Variants in SYMPK observed in about 807,000 individuals in gnomAD.
The protein encoded by SYMPK is symplekin scaffold protein.
Under a neutral mutation model 136.4 loss-of-function variants are expected in SYMPK, and 49 were observed. The observed-to-expected ratio is 0.36, with a 90% CI of 0.29 to 0.46. The LOEUF is 0.46. Among genes scored for constraint, SYMPK ranks in the 20% least tolerant of loss-of-function variants. The probability of loss-of-function intolerance (pLI) is 1.00; values close to 1 mark genes in which losing one functional copy is unlikely to be tolerated. For synonymous variants in SYMPK, 766 were observed against 713.0 expected, an observed-to-expected ratio of 1.07 and a Z score of -1.19; for missense variants, 1,365 against 1,690.0, an observed-to-expected ratio of 0.81 and a Z score of 3.37.
intron 11 of SYMPK, among the ~76,000 whole-genome samples, chr19:45,833,338 A>G (rs1971230752): frequency 6.6e-6 from 1 of 152,254 alleles, no homozygotes; most frequent in African/African-American, 2.4e-5. Context: ...GCGGTGGCTC[A>G]CACCCGAAAT....
chr19:45,839,231 A>C (rs967402876), intron 9 of SYMPK, among the ~76,000 whole-genome samples: 11 of 152,086 alleles, frequency 7.2e-5, no homozygotes, highest in Non-Finnish European at 1.2e-4. Context: ...GGCTATCAAG[A>C]ATGTACACTC....
At chr19:45,828,648 T>C (rs1971101188) in intron 14 of SYMPK, 1 of 369,080 alleles carries the variant, frequency 2.7e-6, no homozygotes, top group Non-Finnish European at 5.0e-6. Context: ...TAGAGAAGTC[T>C]ATCTCCAGGC....
At chr19:45,851,938 T>C (rs1971705273) in intron 5 of SYMPK, among the ~76,000 whole-genome samples, 1 of 152,110 alleles carries the variant, frequency 6.6e-6, no homozygotes, top group East Asian at 1.9e-4. Context: ...GAATTTCAAT[T>C]TAACTAAAAA....
Position 45,816,160 on chromosome 19 carries a change from C to A in SYMPK, c.3378G>T (p.Leu1126Phe). 6.5e-7 allele frequency: 1 copy of A among 1,544,392 alleles called. No homozygotes were observed. The highest frequency in any genetic ancestry group is 1.9e-5 in the Admixed American group (1 of 51,688). The part of the protein sequence containing the change: ...LEEDDLEPLT[L>F]APAPAPRPPQ... ...GGGGCCGGGGTGCTGGGGCCGGGGC[C>A]AAGGTCAGGGGCTCCAGATCATCCT... Residue 1126 changes from leucine to phenylalanine, a missense_variant, in exon 26 of 27, where the codon TTG becomes TTT. By Grantham distance (22) the Leu-to-Phe change is conservative. Around this residue, in one of 11 missense-constraint regions of SYMPK, gnomAD observed 341 missense variants for 270.5 expected, o/e 1.26. Transcript: ENST00000245934.
rs749346890 is a variant in SYMPK, at chr19:45,823,849, C to G, written c.2517G>C (p.Pro839=). The G allele has an allele frequency of 6.2e-6, 10 of 1,613,920 alleles. No homozygotes were observed. Among genetic ancestry groups the G allele is most frequent in the Non-Finnish European group, 8.5e-6 (10 of 1,180,006 alleles). Residue 839 remains proline (P), a synonymous_variant, in exon 19 of 27, where the codon CCG becomes CCC. Coordinates refer to ENST00000245934, the MANE Select transcript of SYMPK (RefSeq NM_004819.3). ...AATTTTCCACCAGCAGGAGCAGCTC[C>G]GGGGAGTTCATGCCCATTCCTCGGA... The part of the protein sequence containing the change: ...QPIRGMGMNS[P]ELLLLVENCP...
chr19:45,862,929 G>A (rs1347388304), intron 1 of SYMPK, 129 bp downstream of exon 1: 2 of 399,558 alleles, frequency 5.0e-6, no homozygotes, highest in East Asian at 7.1e-5. Context: ...TCCTGAGCAA[G>A]GGAAGAAACA....
intron 15 of SYMPK, 76 bp from the exon 16 acceptor site, chr19:45,827,699 T>C: frequency 1.3e-6 from 2 of 1,511,758 alleles, no homozygotes; most frequent in Non-Finnish European, 1.8e-6. Context: ...TGCCTGCCTC[T>C]GATCAGGTAC....
chr19:45,817,548 C>T (rs777054960), intron 23 of SYMPK, among the ~76,000 whole-genome samples: 34 of 151,382 alleles, frequency 2.2e-4, no homozygotes, highest in South Asian at 4.2e-4. Context: ...CCTCCTGTCT[C>T]GGCCTCCCAA....
intron 5 of SYMPK, among the ~76,000 whole-genome samples, chr19:45,851,553 G>A (rs1264736095): frequency 6.7e-6 from 1 of 149,778 alleles, no homozygotes; most frequent in African/African-American, 2.5e-5. Context: ...ACTCCAGCCT[G>A]GACAACAGAG....
At chr19:45,858,510 A>T (rs1010150781) in intron 1 of SYMPK, among the ~76,000 whole-genome samples, 8 of 151,102 alleles carry the variant, frequency 5.3e-5, no homozygotes, top group African/African-American at 1.9e-4. Context: ...GTCTTCCCTG[A>T]CGACTATGTT....
intron 10 of SYMPK, among the ~76,000 whole-genome samples, chr19:45,836,783 T>C (rs1193465344): frequency 6.6e-6 from 1 of 152,088 alleles, no homozygotes; most frequent in African/African-American, 2.4e-5. Context: ...GGATCACAGG[T>C]ACATGCCACC....
intron 7 of SYMPK, 100 bp from the exon 8 acceptor site, chr19:45,844,300 T>C (rs1971511397): frequency 2.2e-6 from 2 of 924,072 alleles, no homozygotes; most frequent in Non-Finnish European, 1.6e-6. Context: ...TCCTGGTACC[T>C]AGATGTCTAT....
At chr19:45,845,783 A>G (rs1329792344) in intron 7 of SYMPK, among the ~76,000 whole-genome samples, 1 of 152,284 alleles carries the variant, frequency 6.6e-6, no homozygotes, top group South Asian at 2.1e-4. Flanking sequence ...AAAACTCCAA[A>G]CAATTTTTAG....
intron 12 of SYMPK, 69 bp downstream of exon 12, chr19:45,831,313 GCA>G: frequency 7.8e-7 from 1 of 1,283,822 alleles, no homozygotes; most frequent in African/African-American, 1.5e-5. Context: ...ACACGCACAC[GCA>G]CACGAGCTGA....
chr19:45,838,229 C>T (rs1315976952), intron 10 of SYMPK, among the ~76,000 whole-genome samples: 1 of 152,106 alleles, frequency 6.6e-6, no homozygotes, highest in Non-Finnish European at 1.5e-5. Flanking sequence ...CCTGCTCCCC[C>T]TTCACCTTTC....
intron 22 of SYMPK, chr19:45,818,807 G>C (rs1970815005): frequency 6.6e-6 from 1 of 152,334 alleles, no homozygotes; most frequent in African/African-American, 2.4e-5. Flanking sequence ...GCAGGCCCTG[G>C]GGTCTGTTCC....
intron 21 of SYMPK, among the ~76,000 whole-genome samples, chr19:45,822,112 CTTCTTTT>C (rs1219585927): frequency 1.2e-4 from 12 of 99,818 alleles, no homozygotes; most frequent in African/African-American, 2.3e-4. Context: ...GAAAGTTTTG[CTTCTTTT>C]TTTTTTTTTT....
chr19:45,840,991 C>CTT (rs567036023), intron 9 of SYMPK, among the ~76,000 whole-genome samples: 1 of 145,680 alleles, frequency 6.9e-6, no homozygotes, highest in Non-Finnish European at 1.5e-5. Context: ...AGATAAATTC[C>CTT]TTTTTTTTTT....
intron 22 of SYMPK, chr19:45,820,264 T>G (rs1245764771): frequency 1.3e-5 from 2 of 152,282 alleles, no homozygotes; most frequent in Non-Finnish European, 2.9e-5. Context: ...TTTCCTCAGA[T>G]CACCAAAGGG....
Sources: gnomAD v4.1 joint callset for allele counts (sites outside exome capture counted in the v4.1 genomes callset) on GRCh38, gnomAD v4.1.1 for gene constraint, gnomAD v4.1.1 regional missense constraint, MANE v1.5 for transcripts, NCBI Gene and HGNC (gene_info 2026-07-23, HGNC 2026-07-21) for gene names.